The following KL variants were observed in gnomAD, a reference collection of about 807,000 sequenced individuals.
KL encodes klotho.
In KL, 62 loss-of-function variants were observed where a neutral mutation model predicts 84.2. The observed-to-expected ratio is 0.74, with a 90% CI of 0.60 to 0.91. The LOEUF (loss-of-function observed/expected upper bound fraction) is 0.91. Ranked by LOEUF, KL falls within the 40% of genes least tolerant of loss-of-function variation. The pLI, the probability that KL is intolerant of heterozygous loss-of-function variation, is 0.00. For synonymous variants in KL, 528 were observed against 528.0 expected (o/e 1.00, Z 0.00); for missense variants, 1,261 against 1,305.7 (o/e 0.97, Z 0.53).
chr13:33,059,205 T>G (rs1348247354), intron 3 of KL, among the ~76,000 whole-genome samples: 3 of 152,146 alleles, frequency 2.0e-5, no homozygotes, highest in Admixed American at 6.5e-5. Flanking sequence ...TCCAGCTGGA[T>G]TTTTCACTTT....
rs761568995 is a variant in KL at position 33,017,085 on chromosome 13, C to T, written c.645C>T (p.His215=). 2 of 1,605,420 alleles carry T rather than the reference C, an allele frequency of 1.2e-6. No homozygotes were observed. The highest frequency in any genetic ancestry group is 2.2e-5 in the South Asian group (2 of 90,974). ...GGWANRALAD[H]FRDYAELCFR... ...GGGCCAACCGCGCCCTGGCCGACCA[C>T]TTCAGGGATTACGCGGAGCTCTGCT... The change falls in exon 1 of 5, where the codon CAC becomes CAT. Residue 215 remains histidine, a synonymous_variant. Coordinates refer to ENST00000380099, the MANE Select transcript of KL (RefSeq NM_004795.4).
chr13:33,050,292 T>C (rs900219304), intron 1 of KL, among the ~76,000 whole-genome samples: 2 of 152,206 alleles, frequency 1.3e-5, no homozygotes, highest in African/African-American at 4.8e-5. Flanking sequence ...CAGGAATAAT[T>C]AGAAAGCATT....
chr13:33,047,597 G>A (rs1238951702), intron 1 of KL, among the ~76,000 whole-genome samples: 1 of 152,088 alleles, frequency 6.6e-6, no homozygotes, highest in Admixed American at 6.5e-5. Context: ...CAAAGTGCTG[G>A]GATTACAGGC....
intron 2 of KL, 71 bp downstream of exon 2, chr13:33,054,348 A>G (rs1344791324): frequency 7.0e-7 from 1 of 1,432,272 alleles, no homozygotes; most frequent in Non-Finnish European, 9.8e-7. Context: ...ATTATCTAAC[A>G]TAAATGATGT....
At chr13:33,022,244 T>G (rs1870602033) in intron 1 of KL, among the ~76,000 whole-genome samples, 2 of 152,256 alleles carry the variant, frequency 1.3e-5, no homozygotes, top group African/African-American at 4.8e-5. Flanking sequence ...CAGCTGAATA[T>G]GTAGCAATCA....
intron 3 of KL, among the ~76,000 whole-genome samples, chr13:33,058,614 A>G (rs920990248): frequency 6.6e-6 from 1 of 152,154 alleles, no homozygotes; most frequent in Non-Finnish European, 1.5e-5. Flanking sequence ...TGCTGGGATT[A>G]CAGGCGTGAG....
At position 33,063,834 on chromosome 13, in the gene KL, C is replaced by T. The variant is rs1394365899; in HGVS notation, c.2702-15C>T. On this transcript the variant is annotated splice_polypyrimidine_tract_variant and intron_variant, in intron 4 of 4. Coordinates refer to ENST00000380099, the MANE Select transcript of KL (RefSeq NM_004795.4). ...AATACGTAATAACTACTCTCCTATC[C>T]TTTTGTTTTTCCAGCCCACATACTG... The T allele has an allele frequency of 1.9e-6, 3 of 1,611,006 alleles. No homozygotes were observed. Among genetic ancestry groups the T allele is most frequent in the Non-Finnish European group, 2.5e-6 (3 of 1,177,400 alleles).
rs763325835 is a variant in KL, at chr13:33,016,723, C to T, written c.283C>T (p.His95Tyr). The T allele has an allele frequency of 1.2e-6, 2 of 1,611,100 alleles. No homozygotes were observed. Among genetic ancestry groups the T allele is most frequent in the Non-Finnish European group, 1.7e-6 (2 of 1,179,154 alleles). The part of the protein sequence containing the change: ...KGASIWDTFT[H>Y]HPLAPPGDSR... ...TGCGTCCATCTGGGATACGTTCACC[C>T]ACCACCCCCTGGCACCCCCGGGAGA... Residue 95 changes from histidine (H) to tyrosine (Y), a missense_variant, in exon 1 of 5, where the codon CAC becomes TAC. Coordinates refer to ENST00000380099, the MANE Select transcript of KL (RefSeq NM_004795.4).
intron 1 of KL, 52 bp downstream of exon 1, chr13:33,017,311 C>CA: frequency 6.8e-7 from 1 of 1,466,620 alleles, no homozygotes; most frequent in Non-Finnish European, 9.1e-7. Context: ...AGAGGGCCTC[C>CA]ACAGGGGCCA....
In KL at chr13:33,019,043, C is replaced by T. The variant is rs138299479; in HGVS notation, c.819+1784C>T. ...ACACAAAAAATTTGCCAAACACTAA[C>T]CATCCTTCCTAGAAATGCAGTGGAC... is the stretch of plus-strand genomic sequence containing the variant. On this transcript the variant is annotated intron_variant, in intron 1 of 4. Coordinates refer to ENST00000380099, the MANE Select transcript of KL (RefSeq NM_004795.4). Among the ~76,000 whole-genome samples, 1,185 of 152,298 alleles carry T rather than the reference C, an allele frequency of 7.8e-3. 48 individuals carry two copies. The highest frequency in any genetic ancestry group is 0.063 in the Admixed American group (966 of 15,300).
In KL at chr13:33,016,740, C is replaced by A. The variant is rs1210930703; in HGVS notation, c.300C>A (p.Pro100=). The part of the protein sequence containing the change: ...WDTFTHHPLA[P]PGDSRNASLP... ...CGTTCACCCACCACCCCCTGGCACCCCCGGGAGACTCCCGGAACGCCAGTC... is the reference window on the plus strand; with the variant it reads ...CGTTCACCCACCACCCCCTGGCACCACCGGGAGACTCCCGGAACGCCAGTC... Residue 100 remains proline, a synonymous_variant, in exon 1 of 5, where the codon CCC becomes CCA. Coordinates refer to ENST00000380099, the MANE Select transcript of KL (RefSeq NM_004795.4). 8.7e-6 allele frequency: 14 copies of A among 1,611,700 alleles called. No individual in the cohort carries two copies. Among genetic ancestry groups the A allele is most frequent in the Non-Finnish European group, 1.2e-5 (14 of 1,179,398 alleles).
intron 1 of KL, among the ~76,000 whole-genome samples, chr13:33,028,750 TAAG>T (rs1870867902): frequency 6.6e-6 from 1 of 152,100 alleles, no homozygotes; most frequent in African/African-American, 2.4e-5. Context: ...AAAACAAAAA[TAAG>T]AAGGAAAACA....
chr13:33,047,933 T>C (rs139525512), intron 1 of KL, among the ~76,000 whole-genome samples: 1 of 152,112 alleles, frequency 6.6e-6, no homozygotes, highest in East Asian at 1.9e-4. Flanking sequence ...CATTCAAAAA[T>C]TTGTTTATTT....
Position 33,043,743 on chromosome 13 carries a change from G to A in KL, c.820-10024G>A, listed in dbSNP as rs368136866. On this transcript the variant is annotated intron_variant, in intron 1 of 4. Coordinates refer to ENST00000380099, the MANE Select transcript of KL (RefSeq NM_004795.4). The stretch of plus-strand genomic sequence containing the variant: ...ATAGGTAGGCTTACGTATTTATTTC[G>A]GATATAATTATTTTGTCAATTATAT... Among the ~76,000 whole-genome samples, 134 of 151,952 alleles carry A rather than the reference G, an allele frequency of 8.8e-4. 1 individual carries two copies. Among genetic ancestry groups the A allele is most frequent in the African/African-American group, 2.7e-3 (110 of 41,416 alleles).
At position 33,064,107 on chromosome 13, in the gene KL, C is replaced by T. The variant is rs766210886; in HGVS notation, c.2960C>T (p.Ala987Val). 2 of 1,613,746 alleles carry T rather than the reference C, an allele frequency of 1.2e-6. No homozygotes were observed. Among genetic ancestry groups the T allele is most frequent in the Non-Finnish European group, 1.7e-6 (2 of 1,179,830 alleles). The change falls in exon 5 of 5, where the codon GCT becomes GTT. Residue 987 changes from alanine to valine, a missense_variant. By Grantham distance (64) the Ala-to-Val change is moderately conservative. Coordinates refer to ENST00000380099, the MANE Select transcript of KL (RefSeq NM_004795.4). ...HTRKSLLAFI[A>V]FLFFASIISL... ...CGAAAGTCTTTACTGGCTTTCATAG[C>T]TTTTCTATTTTTTGCTTCTATTATT...
chr13:33,058,161 C>A (rs1872034153), intron 3 of KL, among the ~76,000 whole-genome samples: 1 of 152,042 alleles, frequency 6.6e-6, no homozygotes, highest in South Asian at 2.1e-4. Flanking sequence ...GGACATAGAG[C>A]CTCTTTAACA....
At chr13:33,032,152 A>G (rs1178740919) in intron 1 of KL, among the ~76,000 whole-genome samples, 1 of 152,210 alleles carries the variant, frequency 6.6e-6, no homozygotes, top group African/African-American at 2.4e-5. Context: ...TCTGAAATGG[A>G]CAAGAATGTT....
chr13:33,019,732 T>TGTGTGAGAGAGA (rs139721497), intron 1 of KL, among the ~76,000 whole-genome samples: 3 of 133,464 alleles, frequency 2.2e-5, no homozygotes, highest in South Asian at 5.0e-4. Flanking sequence ...TGTGTGTGTG[T>TGTGTGAGAGAGA]GAGAGAGAGA....
At position 33,061,475 on chromosome 13, in the gene KL, G is replaced by T; in HGVS notation, c.2396G>T (p.Gly799Val). 6.2e-7 allele frequency: 1 copy of T among 1,614,092 alleles called. No individual in the cohort carries two copies. Among genetic ancestry groups the T allele is most frequent in the Non-Finnish European group, 8.5e-7 (1 of 1,180,022 alleles). ...GAAGATGAAAAAAAGCTAATCCAGG[G>T]TACCTTTGACTTTTTGGCTTTAAGC... ...FTEDEKKLIQGTFDFLALSHY... is the reference protein window; with the variant it reads ...FTEDEKKLIQVTFDFLALSHY... The change falls in exon 4 of 5, where the codon GGT becomes GTT. Residue 799 changes from glycine to valine, a missense_variant. Coordinates refer to ENST00000380099, the MANE Select transcript of KL (RefSeq NM_004795.4).
Sources: gnomAD v4.1 joint callset for allele counts (sites outside exome capture counted in the v4.1 genomes callset) on GRCh38, gnomAD v4.1.1 for gene constraint, MANE v1.5 for transcripts, NCBI Gene and HGNC (gene_info 2026-07-23, HGNC 2026-07-21) for gene names.